Variants in CCSER1 observed in about 807,000 individuals in gnomAD.
The protein encoded by CCSER1 is coiled-coil serine rich protein 1, also known as serine-rich coiled-coil domain-containing protein 1.
A neutral mutation model predicts 82.0 loss-of-function variants in CCSER1; 41 were observed. The observed-to-expected ratio is 0.50, with a 90% confidence interval of 0.39 to 0.65. The LOEUF is 0.65. CCSER1 is among the 30% of genes least tolerant of loss of function. CCSER1 has a pLI of 0.00. For missense variants in CCSER1, 1,119 were observed against 1,064.2 expected, an observed-to-expected ratio of 1.05 and a Z score of -0.72; for synonymous variants, 414 against 383.9, an observed-to-expected ratio of 1.08 and a Z score of -0.92.
intron 8 of CCSER1, among the ~76,000 whole-genome samples, chr4:90,884,156 T>A (rs989596609): frequency 6.6e-6 from 1 of 151,790 alleles, no homozygotes; most frequent in African/African-American, 2.4e-5. Flanking sequence ...AATGGAGAGG[T>A]CACTACAATG....
chr4:90,744,635 C>T (rs1747106384), intron 7 of CCSER1, among the ~76,000 whole-genome samples: 1 of 152,076 alleles, frequency 6.6e-6, no homozygotes. Flanking sequence ...CAATAGGAAC[C>T]AGTCACAAAG....
chr4:90,868,704 T>A (rs770052446), intron 8 of CCSER1, among the ~76,000 whole-genome samples: 2 of 152,106 alleles, frequency 1.3e-5, no homozygotes, highest in Non-Finnish European at 2.9e-5. Flanking sequence ...TTCCTTTCTT[T>A]TGGGTATATA....
Position 91,358,302 on chromosome 4 carries a change from A to T in CCSER1, c.2218-240270A>T, listed in dbSNP as rs188140105. Among the ~76,000 whole-genome samples the T allele has an allele frequency of 5.4e-5, 8 of 148,636 alleles. No individual in the cohort carries two copies. The East Asian group carries it at 1.2e-3, about 22-fold the overall frequency. ...TTGTGCCATACCTTTGAAACAAGGG[A>T]CCTGTCCAGGCTTCCTCAATTCTTT... On this transcript the variant is annotated intron_variant, in intron 10 of 10. Coordinates refer to ENST00000509176, the MANE Select transcript of CCSER1 (RefSeq NM_001145065.2).
intron 4 of CCSER1, among the ~76,000 whole-genome samples, chr4:90,463,393 A>G (rs1433040184): frequency 1.3e-5 from 2 of 152,214 alleles, no homozygotes; most frequent in East Asian, 3.8e-4. Context: ...GTTTTTCTAT[A>G]CTCAAGCTGT....
intron 10 of CCSER1, among the ~76,000 whole-genome samples, chr4:91,462,299 A>T (rs531004072): frequency 3.0e-4 from 46 of 152,342 alleles, no homozygotes; most frequent in African/African-American, 1.1e-3. Context: ...TTTTGTACGT[A>T]TCAGATATTG....
At chr4:91,508,254 A>G (rs1759631146) in intron 10 of CCSER1, among the ~76,000 whole-genome samples, 1 of 147,060 alleles carries the variant, frequency 6.8e-6, no homozygotes, top group Non-Finnish European at 1.5e-5. Context: ...TGATCTTCAC[A>G]TATGAAATTT....
rs1730304183 is a variant in CCSER1 at position 90,933,006 on chromosome 4, AAGAAAGAAAG to A, written c.2172+9561_2172+9570del. 2.5e-5 allele frequency among the ~76,000 whole-genome samples: 2 copies of A among 80,158 alleles called. 1 individual carries two copies. The highest frequency in any genetic ancestry group is 4.4e-5 in the Non-Finnish European group (2 of 45,502). 52.6% of individuals were successfully genotyped at this position (80,158 alleles called of 152,430 possible). A position where few individuals can be genotyped will look rare whatever the true frequency, so the allele number is the denominator to read the frequency against. On this transcript the variant is annotated intron_variant, in intron 9 of 10. Transcript: ENST00000509176. Reference sequence around the variant, plus strand: ...AGAGAAAGAAAGAAAGAAAGAAAGAAAGAAAGAAAGAAAGAAAGAAAGAAAGAAAGAAAGA... The same window carrying A: ...AGAGAAAGAAAGAAAGAAAGAAAGAAAAAGAAAGAAAGAAAGAAAGAAAGA...
chr4:91,232,321 T>C (rs1738686350), intron 10 of CCSER1, among the ~76,000 whole-genome samples: 1 of 151,852 alleles, frequency 6.6e-6, no homozygotes, highest in African/African-American at 2.4e-5. Flanking sequence ...TTAAAAACAA[T>C]CTCAATATCC....
chr4:91,278,398 C>G lies in CCSER1; in HGVS notation c.2217+192404C>G, dbSNP rs945603494. On this transcript the variant is annotated intron_variant, in intron 10 of 10. Coordinates refer to ENST00000509176, the MANE Select transcript of CCSER1 (RefSeq NM_001145065.2). ...CATATATGTTTAGAAATGTAATACC[C>G]TCTCACTGAATTGATCCTTTAATCA... 2.6e-5 allele frequency among the ~76,000 whole-genome samples: 4 copies of G among 152,208 alleles called. No individual in the cohort carries two copies. The East Asian group carries it at 7.7e-4, about 29-fold the overall frequency.
At chr4:91,421,196 A>C (rs887491023) in intron 10 of CCSER1, among the ~76,000 whole-genome samples, 1 of 152,198 alleles carries the variant, frequency 6.6e-6, no homozygotes. Flanking sequence ...AAGGGTATAC[A>C]TAGATATATA....
intron 1 of CCSER1, among the ~76,000 whole-genome samples, chr4:90,173,594 C>A (rs776824962): frequency 7.9e-5 from 12 of 151,948 alleles, no homozygotes; most frequent in Non-Finnish European, 1.5e-4. Context: ...CAGAGCATTA[C>A]TTTCCTGTAA....
intron 8 of CCSER1, among the ~76,000 whole-genome samples, chr4:90,869,487 C>T (rs897366762): frequency 6.6e-6 from 1 of 151,840 alleles, no homozygotes; most frequent in African/African-American, 2.4e-5. Flanking sequence ...TTCTTGTCAC[C>T]TCTGTTGAAA....
At chr4:91,487,927 T>C (rs1269144594) in intron 10 of CCSER1, among the ~76,000 whole-genome samples, 2 of 152,024 alleles carry the variant, frequency 1.3e-5, no homozygotes, top group Non-Finnish European at 2.9e-5. Flanking sequence ...GTTATATTTT[T>C]ATTCTGTTGT....
At chr4:90,322,600 T>C (rs1358300228) in intron 3 of CCSER1, among the ~76,000 whole-genome samples, 1 of 152,230 alleles carries the variant, frequency 6.6e-6, no homozygotes, top group Non-Finnish European at 1.5e-5. Flanking sequence ...TATTGATTTT[T>C]CAGTTTCATC....
chr4:90,727,654 A>T (rs950083017), intron 7 of CCSER1, among the ~76,000 whole-genome samples: 15 of 152,166 alleles, frequency 9.9e-5, no homozygotes, highest in Non-Finnish European at 8.8e-5. Context: ...AATGTTTTGT[A>T]CATATGCAGT....
At chr4:90,875,563 A>T (rs1767091361) in intron 8 of CCSER1, among the ~76,000 whole-genome samples, 1 of 152,200 alleles carries the variant, frequency 6.6e-6, no homozygotes, top group Non-Finnish European at 1.5e-5. Flanking sequence ...TAATACAATA[A>T]GATATGTGAC....
intron 3 of CCSER1, among the ~76,000 whole-genome samples, chr4:90,374,852 T>G (rs936267146): frequency 2.0e-5 from 3 of 152,154 alleles, no homozygotes; most frequent in African/African-American, 4.8e-5. Flanking sequence ...TATTAGTGCT[T>G]CTTTTATTAC....
chr4:91,216,865 T>C (rs1446733296), intron 10 of CCSER1, among the ~76,000 whole-genome samples: 2 of 152,172 alleles, frequency 1.3e-5, no homozygotes, highest in African/African-American at 4.8e-5. Context: ...CTTCTTGCTA[T>C]TGTTTGGAAC....
intron 1 of CCSER1, among the ~76,000 whole-genome samples, chr4:90,200,779 C>T (rs1398999177): frequency 6.6e-6 from 1 of 151,996 alleles, no homozygotes; most frequent in South Asian, 2.1e-4. Flanking sequence ...AGATTGCCTA[C>T]TAATCTACCT....
Sources: allele counts gnomAD v4.1 joint callset (sites outside exome capture counted in the v4.1 genomes callset), GRCh38; gene constraint gnomAD v4.1.1; transcripts MANE v1.5; gene names NCBI Gene and HGNC (gene_info 2026-07-23, HGNC 2026-07-21).